Variants in CADPS observed in about 807,000 individuals in gnomAD.
CADPS encodes the protein calcium-dependent secretion activator 1.
Under a neutral mutation model 167.3 loss-of-function variants are expected in CADPS, and 57 were observed. The ratio of observed to expected loss-of-function variants is 0.34; its 90% CI spans 0.28 to 0.42. CADPS has a LOEUF of 0.42. Ranked by LOEUF, CADPS falls within the 20% of genes least tolerant of loss-of-function variation. The probability of loss-of-function intolerance (pLI) is 1.00; values close to 1 mark genes in which losing one functional copy is unlikely to be tolerated. For synonymous variants in CADPS, 676 were observed against 635.3 expected (o/e 1.06, Z -0.96); for missense variants, 1,414 against 1,738.1 (o/e 0.81, Z 3.32).
intron 3 of CADPS, among the ~76,000 whole-genome samples, chr3:62,675,037 A>G (rs2076134504): frequency 6.6e-6 from 1 of 152,148 alleles, no homozygotes. Context: ...CACAATAACC[A>G]TTTATTTCTT....
intron 17 of CADPS, among the ~76,000 whole-genome samples, chr3:62,510,200 A>ATCTG (rs1216864376): frequency 6.9e-6 from 1 of 145,804 alleles, no homozygotes; most frequent in African/African-American, 2.7e-5. Context: ...GCATCTATCT[A>ATCTG]TCTATCTATC....
At chr3:62,539,851 A>AT (rs2152082475) in intron 11 of CADPS, among the ~76,000 whole-genome samples, 1 of 152,286 alleles carries the variant, frequency 6.6e-6, no homozygotes, top group African/African-American at 2.4e-5. Flanking sequence ...GTGGCTGGGC[A>AT]TAGGCAGGTC....
intron 7 of CADPS, 132 bp downstream of exon 7, chr3:62,592,505 G>C (rs1242587180): frequency 9.1e-6 from 6 of 655,892 alleles, no homozygotes; most frequent in Non-Finnish European, 1.6e-5. Flanking sequence ...ATGTAGAGTG[G>C]AGTCCAGGAC....
intron 28 of CADPS, among the ~76,000 whole-genome samples, chr3:62,429,544 C>T (rs1477729857): frequency 6.6e-6 from 1 of 152,228 alleles, no homozygotes; most frequent in Non-Finnish European, 1.5e-5. Flanking sequence ...GGATTTAACA[C>T]AGCTCGTCTC....
At chr3:62,493,413 A>G (rs1195456232) in intron 19 of CADPS, among the ~76,000 whole-genome samples, 1 of 152,162 alleles carries the variant, frequency 6.6e-6, no homozygotes, top group Admixed American at 6.5e-5. Flanking sequence ...TCCCCATTCA[A>G]TGCCGCAAAG....
At chr3:62,863,488 A>G (rs962760943) in intron 1 of CADPS, among the ~76,000 whole-genome samples, 4 of 152,152 alleles carry the variant, frequency 2.6e-5, no homozygotes, top group African/African-American at 9.7e-5. Flanking sequence ...CCTTCTACCT[A>G]GGAAAGTAAT....
At chr3:62,405,506 G>A (rs535650170) in intron 28 of CADPS, among the ~76,000 whole-genome samples, 1 of 150,470 alleles carries the variant, frequency 6.6e-6, no homozygotes, top group South Asian at 2.1e-4. Context: ...TTTTATGTAA[G>A]CAGTTCCCAC....
intron 7 of CADPS, among the ~76,000 whole-genome samples, chr3:62,590,484 TC>T (rs1383762579): frequency 2.0e-5 from 3 of 152,208 alleles, no homozygotes; most frequent in Non-Finnish European, 4.4e-5. Context: ...TCTTTCATCA[TC>T]CCCTTTCCTC....
At position 62,874,881 on chromosome 3, in the gene CADPS, C is replaced by A. The variant is rs1335105830; in HGVS notation, c.149G>T (p.Gly50Val). The A allele has an allele frequency of 1.0e-5, 12 of 1,196,700 alleles. No individual in the cohort carries two copies. Among genetic ancestry groups the A allele is most frequent in the African/African-American group, 1.6e-5 (1 of 61,634 alleles). The allele number at this position is 1,196,700 out of a possible 1,614,324, so 74.1% of individuals were successfully genotyped here. A position where few individuals can be genotyped will look rare whatever the true frequency, so the allele number is the denominator to read the frequency against. Residue 50 changes from glycine to valine, a missense_variant, in exon 1 of 30, where the codon GGC becomes GTC. Physicochemically the swap from Gly to Val is moderately radical, Grantham distance 109. Coordinates refer to ENST00000383710, the MANE Select transcript of CADPS (RefSeq NM_003716.4). This position sits in a 1 kb window ranked among gnomAD's most constrained non-coding sequence, Gnocchi z 7.1. ...CCCGGCTCCGGCGCCGGCGCCGCCGCCCCCCAGCCCGGCGCTGCCGGCCGA... is the reference window on the plus strand; with the variant it reads ...CCCGGCTCCGGCGCCGGCGCCGCCGACCCCCAGCCCGGCGCTGCCGGCCGA... ...EGSAGSAGLGGGGAGAGAGVG... is the reference protein window; with the variant it reads ...EGSAGSAGLGVGGAGAGAGVG...
intron 8 of CADPS, among the ~76,000 whole-genome samples, chr3:62,582,676 A>G (rs2083672603): frequency 6.6e-6 from 1 of 152,148 alleles, no homozygotes. Flanking sequence ...TAAGGCACTC[A>G]CCGTTCACTT....
chr3:62,827,338 G>A (rs2074249307), intron 1 of CADPS, among the ~76,000 whole-genome samples: 1 of 152,170 alleles, frequency 6.6e-6, no homozygotes. Flanking sequence ...AATACCTTAT[G>A]GGGGATGAAC....
chr3:62,662,351 A>C lies in CADPS; in HGVS notation c.932T>G (p.Leu311Arg). Reference sequence around the variant, plus strand: ...GTCTGCCATTTGTAGACGTCCATCCAGCTCTCGTCTGATCTGGGCTGCTTG... The same window carrying C: ...GTCTGCCATTTGTAGACGTCCATCCCGCTCTCGTCTGATCTGGGCTGCTTG... The part of the protein sequence containing the change: ...DEQAAQIRRE[L>R]DGRLQMADQI... The change falls in exon 4 of 30, where the codon CTG (leucine) becomes CGG (arginine). Residue 311 changes from leucine (L) to arginine (R), a missense_variant. Coordinates refer to ENST00000383710, the MANE Select transcript of CADPS (RefSeq NM_003716.4). 6.2e-7 allele frequency: 1 copy of C among 1,614,016 alleles called. No homozygotes were observed. Among genetic ancestry groups the C allele is most frequent in the Non-Finnish European group, 8.5e-7 (1 of 1,179,916 alleles).
intron 1 of CADPS, among the ~76,000 whole-genome samples, chr3:62,816,041 A>G (rs962567726): frequency 6.6e-6 from 1 of 152,186 alleles, no homozygotes; most frequent in Non-Finnish European, 1.5e-5. Context: ...AAATTCCTGT[A>G]GAGTATGGCT....
chr3:62,778,790 A>G (rs2090947207), intron 1 of CADPS, among the ~76,000 whole-genome samples: 1 of 152,216 alleles, frequency 6.6e-6, no homozygotes, highest in Non-Finnish European at 1.5e-5. Context: ...GAACTCAACT[A>G]TGGTATATTT....
chr3:62,750,066 T>G (rs186980444), intron 3 of CADPS, among the ~76,000 whole-genome samples: 3 of 152,108 alleles, frequency 2.0e-5, no homozygotes, highest in Non-Finnish European at 4.4e-5. Context: ...AAAAGTGAAC[T>G]TGGGGCCAGG....
Position 62,874,935 on chromosome 3 carries a change from C to T in CADPS, c.95G>A (p.Arg32His), listed in dbSNP as rs755251601. The change falls in exon 1 of 30, where the codon CGC becomes CAC. Residue 32 changes from arginine (R) to histidine (H), a missense_variant. By Grantham distance (29) the Arg-to-His change is conservative. Coordinates refer to ENST00000383710, the MANE Select transcript of CADPS (RefSeq NM_003716.4). The surrounding 1 kb of genome is among the most constrained non-coding windows in gnomAD (Gnocchi z 7.1). ...CTCGCTGGTACGGCTGGGAGACAGG[C>T]GCGCGCCGGACGGGGCCGAGCCGAG... ...EVLGSAPSGA[R>H]LSPSRTSEGS... 98 of 1,516,238 alleles carry T rather than the reference C, an allele frequency of 6.5e-5. 1 individual carries two copies. The highest frequency in any genetic ancestry group is 2.0e-4 in the Admixed American group (10 of 49,040). 93.9% of individuals were successfully genotyped at this position (1,516,238 alleles called of 1,614,324 possible). A position where few individuals can be genotyped will look rare whatever the true frequency, so the allele number is the denominator to read the frequency against.
chr3:62,516,001 T>TC, intron 16 of CADPS, 58 bp downstream of exon 16: 1 of 1,604,726 alleles, frequency 6.2e-7, no homozygotes, highest in Non-Finnish European at 8.5e-7. Context: ...GAGAAAGACT[T>TC]CCCCAGGGAG....
intron 13 of CADPS, among the ~76,000 whole-genome samples, chr3:62,528,532 T>G (rs921691758): frequency 3.9e-5 from 6 of 152,346 alleles, no homozygotes; most frequent in African/African-American, 1.4e-4. Context: ...TTATGAAACC[T>G]GACGATGGAC....
chr3:62,744,030 T>C (rs575123644), intron 3 of CADPS, among the ~76,000 whole-genome samples: 306 of 152,288 alleles, frequency 2.0e-3, no homozygotes, highest in Non-Finnish European at 3.5e-3. Flanking sequence ...AAATGTTGAG[T>C]TCAAATCCAA....
Sources: allele counts gnomAD v4.1 joint callset (sites outside exome capture counted in the v4.1 genomes callset), GRCh38; gene constraint gnomAD v4.1.1; non-coding constraint Gnocchi (gnomAD v3.1); transcripts MANE v1.5; gene names NCBI Gene and HGNC (gene_info 2026-07-23, HGNC 2026-07-21).